The following EPHB1 variants were observed in gnomAD, a reference collection of about 807,000 sequenced individuals.
The protein encoded by EPHB1 is EPH receptor B1.
In EPHB1, 30 loss-of-function variants were observed where a neutral mutation model predicts 94.4. That is an observed-to-expected ratio of 0.32 (90% CI 0.24 to 0.43). The LOEUF is 0.43. Ranked by LOEUF, EPHB1 falls within the 20% of genes least tolerant of loss-of-function variation. EPHB1 has a pLI of 1.00. For synonymous variants in EPHB1, 522 were observed against 489.1 expected, an observed-to-expected ratio of 1.07 and a Z score of -0.89; for missense variants, 1,055 against 1,308.3, an observed-to-expected ratio of 0.81 and a Z score of 2.99.
chr3:135,170,454 G>C (rs988604828), intron 9 of EPHB1, among the ~76,000 whole-genome samples: 1 of 150,276 alleles, frequency 6.7e-6, no homozygotes, highest in Non-Finnish European at 1.5e-5. Flanking sequence ...AGATGTGCTG[G>C]GTGTGGTGCC....
chr3:135,172,490 A>T (rs1270740323), intron 9 of EPHB1, among the ~76,000 whole-genome samples: 1 of 152,218 alleles, frequency 6.6e-6, no homozygotes, highest in Non-Finnish European at 1.5e-5. Flanking sequence ...TTTAGACAGG[A>T]TATTGGACAA....
At chr3:134,904,908 C>T (rs1482035861) in intron 1 of EPHB1, among the ~76,000 whole-genome samples, 3 of 152,246 alleles carry the variant, frequency 2.0e-5, no homozygotes, top group African/African-American at 4.8e-5. Flanking sequence ...TACTTCTCTG[C>T]TTTAACCAGG....
At chr3:135,137,131 G>C (rs1431286495) in intron 5 of EPHB1, among the ~76,000 whole-genome samples, 1 of 152,186 alleles carries the variant, frequency 6.6e-6, no homozygotes, top group East Asian at 1.9e-4. Context: ...TATAAAAGAT[G>C]AATCAGACCA....
intron 11 of EPHB1, among the ~76,000 whole-genome samples, chr3:135,194,000 G>A (rs1942531711): frequency 6.6e-6 from 1 of 152,178 alleles, no homozygotes; most frequent in Non-Finnish European, 1.5e-5. Context: ...GGTGGTCAGT[G>A]CCATCTTTCT....
intron 1 of EPHB1, among the ~76,000 whole-genome samples, chr3:134,861,932 AG>A (rs1360410130): frequency 6.6e-6 from 1 of 152,210 alleles, no homozygotes; most frequent in Non-Finnish European, 1.5e-5. Flanking sequence ...ATGGCCCTCA[AG>A]CTTCTCCCAC....
intron 5 of EPHB1, among the ~76,000 whole-genome samples, chr3:135,139,062 C>T (rs1036726440): frequency 2.0e-5 from 3 of 152,200 alleles, no homozygotes; most frequent in African/African-American, 7.2e-5. Context: ...AGAGAGCAGC[C>T]GCACAATGCC....
intron 4 of EPHB1, among the ~76,000 whole-genome samples, chr3:135,118,262 C>G (rs1022210390): frequency 6.6e-6 from 1 of 152,206 alleles, no homozygotes; most frequent in Non-Finnish European, 1.5e-5. Flanking sequence ...CATTACCATG[C>G]TGTGTGCCAT....
At chr3:135,106,197 G>A (rs1397563202) in intron 3 of EPHB1, among the ~76,000 whole-genome samples, 2 of 152,192 alleles carry the variant, frequency 1.3e-5, no homozygotes, top group Non-Finnish European at 2.9e-5. Context: ...GACACACCTG[G>A]AAGGGAAGAA....
At chr3:135,129,508 A>T (rs757232400) in intron 4 of EPHB1, among the ~76,000 whole-genome samples, 7 of 152,204 alleles carry the variant, frequency 4.6e-5, no homozygotes, top group Non-Finnish European at 8.8e-5. Context: ...AGGGGTATAT[A>T]CATGGGACCT....
At chr3:135,082,213 C>T (rs531911723) in intron 3 of EPHB1, among the ~76,000 whole-genome samples, 94 of 152,264 alleles carry the variant, frequency 6.2e-4, no homozygotes, top group Admixed American at 1.0e-3. Flanking sequence ...AGAACCATTG[C>T]AGATATACAG....
At chr3:134,801,388 A>C (rs2108282346) in intron 1 of EPHB1, among the ~76,000 whole-genome samples, 1 of 152,294 alleles carries the variant, frequency 6.6e-6, no homozygotes, top group Non-Finnish European at 1.5e-5. Flanking sequence ...AAAGGAGATG[A>C]ACCTGGGACC....
At chr3:135,021,078 A>T (rs1935971395) in intron 3 of EPHB1, among the ~76,000 whole-genome samples, 1 of 152,158 alleles carries the variant, frequency 6.6e-6, no homozygotes, top group Non-Finnish European at 1.5e-5. Context: ...TCTAATTCTA[A>T]CAGTTGTAAA....
chr3:135,077,324 G>C (rs1318901515), intron 3 of EPHB1, among the ~76,000 whole-genome samples: 1 of 152,170 alleles, frequency 6.6e-6, no homozygotes, highest in African/African-American at 2.4e-5. Flanking sequence ...CCTGCTCCCA[G>C]GTTTGTTCTC....
intron 3 of EPHB1, among the ~76,000 whole-genome samples, chr3:134,986,788 C>T (rs1036542836): frequency 6.6e-6 from 1 of 151,610 alleles, no homozygotes; most frequent in African/African-American, 2.4e-5. Context: ...ACTGGTGCAT[C>T]ATTCATTAAA....
chr3:134,995,650 A>G (rs1934965682), intron 3 of EPHB1, among the ~76,000 whole-genome samples: 1 of 152,202 alleles, frequency 6.6e-6, no homozygotes, highest in African/African-American at 2.4e-5. Flanking sequence ...GATTACAACA[A>G]ATGCTGGTGA....
intron 3 of EPHB1, among the ~76,000 whole-genome samples, chr3:134,956,319 G>A (rs1933272138): frequency 1.3e-5 from 2 of 152,068 alleles, no homozygotes; most frequent in African/African-American, 4.8e-5. Context: ...CTGCCTGAGG[G>A]CTTGGCTTTC....
chr3:135,012,922 T>C (rs1280121925), intron 3 of EPHB1, among the ~76,000 whole-genome samples: 1 of 152,226 alleles, frequency 6.6e-6, no homozygotes, highest in African/African-American at 2.4e-5. Flanking sequence ...TCATATAATA[T>C]ATGTATTTGC....
intron 1 of EPHB1, among the ~76,000 whole-genome samples, chr3:134,802,354 A>T (rs571992064): frequency 6.6e-6 from 1 of 152,144 alleles, no homozygotes; most frequent in South Asian, 2.1e-4. Context: ...TCACGAAAAA[A>T]AAAAAAAAAG....
intron 7 of EPHB1, among the ~76,000 whole-genome samples, chr3:135,165,422 A>G (rs1453863808): frequency 6.6e-6 from 1 of 152,156 alleles, no homozygotes; most frequent in Non-Finnish European, 1.5e-5. Flanking sequence ...AGAAGCCTTG[A>G]TCATTTTCTT....
Sources: gnomAD v4.1 joint callset for allele counts (sites outside exome capture counted in the v4.1 genomes callset) on GRCh38, gnomAD v4.1.1 for gene constraint, MANE v1.5 for transcripts, NCBI Gene and HGNC (gene_info 2026-07-23, HGNC 2026-07-21) for gene names.